The following FARP1 variants were observed in gnomAD, a reference collection of about 807,000 sequenced individuals.
The protein encoded by FARP1 is FERM, ARH/RhoGEF and pleckstrin domain protein 1, also known as FERM, ARHGEF and pleckstrin domain-containing protein 1.
Under a neutral mutation model 128.8 loss-of-function variants are expected in FARP1, and 52 were observed. The ratio of observed to expected loss-of-function variants is 0.40; its 90% CI spans 0.32 to 0.51. The LOEUF (loss-of-function observed/expected upper bound fraction) is 0.51. Ranked by LOEUF, FARP1 falls within the 20% of genes least tolerant of loss-of-function variation. The pLI is 0.45. For synonymous variants in FARP1, 580 were observed against 551.8 expected (o/e 1.05, Z -0.72); for missense variants, 1,333 against 1,367.9 (o/e 0.97, Z 0.40).
intron 2 of FARP1, among the ~76,000 whole-genome samples, chr13:98,294,482 A>G (rs1457439981): frequency 6.6e-6 from 1 of 152,234 alleles, no homozygotes; most frequent in Non-Finnish European, 1.5e-5. Flanking sequence ...CACATGTCAT[A>G]TTACTTAATT....
chr13:98,184,272 C>T (rs1257105042), intron 1 of FARP1, among the ~76,000 whole-genome samples: 2 of 152,020 alleles, frequency 1.3e-5, no homozygotes, highest in Non-Finnish European at 2.9e-5. Flanking sequence ...CGCCTGCCAC[C>T]CCACCCGGCT....
intron 2 of FARP1, among the ~76,000 whole-genome samples, chr13:98,265,271 G>A (rs1269167958): frequency 6.8e-6 from 1 of 147,144 alleles, no homozygotes; most frequent in Non-Finnish European, 1.5e-5. Flanking sequence ...GCTGGTTAGT[G>A]CATGACATAC....
At chr13:98,330,994 T>G (rs1476896656) in intron 2 of FARP1, among the ~76,000 whole-genome samples, 1 of 152,144 alleles carries the variant, frequency 6.6e-6, no homozygotes, top group Non-Finnish European at 1.5e-5. Flanking sequence ...CTATCATCAG[T>G]TGGAATTAGT....
intron 2 of FARP1, among the ~76,000 whole-genome samples, chr13:98,218,746 C>A (rs1405752943): frequency 2.0e-5 from 3 of 152,148 alleles, no homozygotes; most frequent in African/African-American, 7.2e-5. Flanking sequence ...TCATAAAACT[C>A]ACTGCACTCC....
intron 24 of FARP1, among the ~76,000 whole-genome samples, chr13:98,444,496 C>T (rs1282467541): frequency 6.6e-6 from 1 of 152,190 alleles, no homozygotes; most frequent in African/African-American, 2.4e-5. Flanking sequence ...CTGGGAGCCA[C>T]CAGCATGGCC....
chr13:98,211,336 C>T (rs1209675453), intron 1 of FARP1, among the ~76,000 whole-genome samples: 1 of 152,234 alleles, frequency 6.6e-6, no homozygotes. Context: ...AGCACAGACC[C>T]TGTTGGGAAC....
At chr13:98,261,905 A>C (rs1883899039) in intron 2 of FARP1, among the ~76,000 whole-genome samples, 1 of 151,940 alleles carries the variant, frequency 6.6e-6, no homozygotes, top group African/African-American at 2.4e-5. Context: ...TCCGTCTCCA[A>C]CTCTGGGGTC....
At chr13:98,393,113 G>C (rs943515158) in intron 11 of FARP1, among the ~76,000 whole-genome samples, 1 of 152,240 alleles carries the variant, frequency 6.6e-6, no homozygotes, top group African/African-American at 2.4e-5. Flanking sequence ...TGAAAGAGAC[G>C]TGTCAAGATG....
intron 3 of FARP1, among the ~76,000 whole-genome samples, chr13:98,363,486 T>A (rs951780815): frequency 6.6e-6 from 1 of 152,004 alleles, no homozygotes; most frequent in East Asian, 1.9e-4. Context: ...CAGCTGGGGG[T>A]ACCCACCTTT....
intron 2 of FARP1, among the ~76,000 whole-genome samples, chr13:98,216,377 T>G (rs1881063119): frequency 6.6e-6 from 1 of 152,162 alleles, no homozygotes; most frequent in Non-Finnish European, 1.5e-5. Flanking sequence ...TGTGAAACTT[T>G]TTGCTGGGAA....
chr13:98,440,318 G>A (rs538858239), intron 23 of FARP1, 83 bp downstream of exon 23: 10 of 983,322 alleles, frequency 1.0e-5, no homozygotes, highest in South Asian at 6.4e-5. Flanking sequence ...CCACCCCATC[G>A]GGTAGGCCTC....
chr13:98,390,925 C>T (rs1450780119), intron 11 of FARP1, 45 bp downstream of exon 11: 1 of 1,318,756 alleles, frequency 7.6e-7, no homozygotes, highest in Non-Finnish European at 1.1e-6. Context: ...AAGGCTCAGA[C>T]TCGCCAGGTA....
chr13:98,439,464 T>C (rs927682464), intron 21 of FARP1, among the ~76,000 whole-genome samples: 3 of 152,026 alleles, frequency 2.0e-5, no homozygotes, highest in African/African-American at 7.2e-5. Flanking sequence ...CCATTCCTTA[T>C]AGAATCGAGT....
intron 1 of FARP1, among the ~76,000 whole-genome samples, chr13:98,152,109 T>C (rs1420822155): frequency 6.6e-6 from 1 of 152,200 alleles, no homozygotes; most frequent in East Asian, 1.9e-4. Flanking sequence ...CTTCAAGTAA[T>C]AAAGGGGCTC....
intron 1 of FARP1, among the ~76,000 whole-genome samples, chr13:98,171,239 T>C (rs1877630887): frequency 6.6e-6 from 1 of 152,212 alleles, no homozygotes; most frequent in Non-Finnish European, 1.5e-5. Context: ...TGTGAGTTTC[T>C]AATTTTCCTG....
chr13:98,240,997 G>GGC (rs1882736334), intron 2 of FARP1, among the ~76,000 whole-genome samples: 1 of 152,222 alleles, frequency 6.6e-6, no homozygotes, highest in Non-Finnish European at 1.5e-5. Context: ...GGAGAAGGAA[G>GGC]GCAGAAGGCA....
intron 6 of FARP1, among the ~76,000 whole-genome samples, chr13:98,380,846 T>A (rs535753673): frequency 1.4e-4 from 22 of 152,322 alleles, no homozygotes; most frequent in African/African-American, 5.1e-4. Context: ...CACAAAGTGC[T>A]GGGATTATAG....
At chr13:98,165,280 ATTC>A (rs1280196060) in intron 1 of FARP1, among the ~76,000 whole-genome samples, 1 of 151,318 alleles carries the variant, frequency 6.6e-6, no homozygotes, top group African/African-American at 2.4e-5. Flanking sequence ...CGTTGGTCTC[ATTC>A]TTCTTTATCC....
chr13:98,393,391 T>C (rs1890385499), intron 11 of FARP1, among the ~76,000 whole-genome samples: 1 of 152,186 alleles, frequency 6.6e-6, no homozygotes, highest in Admixed American at 6.5e-5. Context: ...CTTCACGAGC[T>C]GCACCGTGAG....
Sources: allele counts gnomAD v4.1 joint callset (sites outside exome capture counted in the v4.1 genomes callset), GRCh38; gene constraint gnomAD v4.1.1; transcripts MANE v1.5; gene names NCBI Gene and HGNC (gene_info 2026-07-23, HGNC 2026-07-21).